NAALADL2: variants seen among roughly 807,000 people sequenced by gnomAD.
The protein encoded by NAALADL2 is N-acetylated alpha-linked acidic dipeptidase like 2.
Under a neutral mutation model 87.2 loss-of-function variants are expected in NAALADL2, and 76 were observed. The observed-to-expected ratio is 0.87, with a 90% CI of 0.72 to 1.05. NAALADL2 has a LOEUF of 1.05. Ranked by LOEUF, NAALADL2 falls within the 50% of genes least tolerant of loss-of-function variation. The pLI, the probability that NAALADL2 is intolerant of heterozygous loss-of-function variation, is 0.00. For synonymous variants in NAALADL2, 354 were observed against 331.0 expected (o/e 1.07, Z -0.75); for missense variants, 1,089 against 945.8 (o/e 1.15, Z -1.99).
At chr3:174,475,627 T>G (rs1254246967) in intron 1 of NAALADL2, among the ~76,000 whole-genome samples, 2 of 152,030 alleles carry the variant, frequency 1.3e-5, no homozygotes, top group Non-Finnish European at 2.9e-5. Context: ...TATTTGAAGA[T>G]TTAATATATA....
In NAALADL2 at chr3:174,803,091, A is replaced by G. The variant is rs1051683452; in HGVS notation, c.-9+65345A>G. Among the ~76,000 whole-genome samples, 3 of 152,130 alleles carry G rather than the reference A, an allele frequency of 2.0e-5. No individual in the cohort carries two copies. The East Asian group carries it at 5.8e-4, about 29-fold the overall frequency. On this transcript the variant is annotated intron_variant, in intron 3 of 3. Coordinates refer to the NAALADL2 transcript ENST00000434257. Reference sequence around the variant, plus strand: ...AATGGTTGAACTACTTTACGCTCCCACCAACAGTGTAAAAGCATTCCTATT... The same window carrying G: ...AATGGTTGAACTACTTTACGCTCCCGCCAACAGTGTAAAAGCATTCCTATT...
In NAALADL2 at chr3:174,461,338, T is replaced by C. The variant is rs537004093; in HGVS notation, c.-184+20306T>C. Among the ~76,000 whole-genome samples the C allele has an allele frequency of 2.0e-5, 3 of 152,256 alleles. No homozygotes were observed. In the South Asian group the frequency reaches 6.2e-4, roughly 32 times the overall value. On this transcript the variant is annotated intron_variant, in intron 1 of 3. Coordinates refer to the NAALADL2 transcript ENST00000434257. ...ATATAACAGCAGTTTTTCATAAACA[T>C]TCTATTGGCTATGTGTGTCATATCT...
chr3:175,423,028 A>AAAAAAAAAAATATATATAT (rs1438736874), intron 5 of NAALADL2, among the ~76,000 whole-genome samples: 2 of 111,310 alleles, frequency 1.8e-5, no homozygotes, highest in South Asian at 2.7e-4. Flanking sequence ...GAAAAAAAAA[A>AAAAAAAAAAATATATATAT]ATATATATAT....
intron 1 of NAALADL2, among the ~76,000 whole-genome samples, chr3:175,043,600 A>G (rs1754340526): frequency 6.6e-6 from 1 of 151,986 alleles, no homozygotes; most frequent in African/African-American, 2.4e-5. Context: ...TTACATGTGG[A>G]TATCTGTTTT....
At chr3:174,904,870 C>G (rs1732788736) in intron 1 of NAALADL2, among the ~76,000 whole-genome samples, 1 of 127,870 alleles carries the variant, frequency 7.8e-6, no homozygotes, top group South Asian at 2.4e-4. Context: ...AATTATTAAG[C>G]ATTTTTTTTC....
At chr3:175,246,899 A>G (rs1407035685) in intron 3 of NAALADL2, among the ~76,000 whole-genome samples, 1 of 152,196 alleles carries the variant, frequency 6.6e-6, no homozygotes, top group African/African-American at 2.4e-5. Context: ...TTTTAGTTCT[A>G]TTGGAATGAA....
chr3:174,808,486 G>C (rs1225642872), intron 3 of NAALADL2, among the ~76,000 whole-genome samples: 1 of 152,050 alleles, frequency 6.6e-6, no homozygotes, highest in African/African-American at 2.4e-5. Context: ...ATGTGAACTA[G>C]ATATAGCATT....
intron 1 of NAALADL2, among the ~76,000 whole-genome samples, chr3:174,450,008 A>G (rs758176677): frequency 1.4e-5 from 2 of 144,358 alleles, no homozygotes; most frequent in African/African-American, 2.6e-5. Context: ...ATATATATAC[A>G]CAACACATAC....
Position 175,706,320 on chromosome 3 carries a change from T to A in NAALADL2, c.1897-30986T>A, listed in dbSNP as rs557988556. 1.2e-3 allele frequency among the ~76,000 whole-genome samples: 177 copies of A among 152,220 alleles called. 1 individual carries two copies. Among genetic ancestry groups the A allele is most frequent in the African/African-American group, 4.1e-3 (169 of 41,548 alleles). On this transcript the variant is annotated intron_variant, in intron 11 of 13. Transcript: ENST00000454872. ...ACCATAGATAGTACCAAACTCTAAA[T>A]ATAATGTTTTTTCTATGCATACTTA...
At chr3:175,507,248 T>G (rs150795131) in intron 9 of NAALADL2, among the ~76,000 whole-genome samples, 1 of 152,302 alleles carries the variant, frequency 6.6e-6, no homozygotes, top group African/African-American at 2.4e-5. Context: ...TTTCTAGGTC[T>G]TTGATCTACT....
chr3:175,479,793 A>C, intron 9 of NAALADL2, among the ~76,000 whole-genome samples: 1 of 151,788 alleles, frequency 6.6e-6, no homozygotes, highest in Non-Finnish European at 1.5e-5. Context: ...TTTAGTTGCA[A>C]AATTATAATT....
At chr3:175,181,285 A>G (rs928410616) in intron 2 of NAALADL2, among the ~76,000 whole-genome samples, 19 of 152,058 alleles carry the variant, frequency 1.2e-4, no homozygotes, top group Admixed American at 9.9e-4. Flanking sequence ...GTAGTTTTTT[A>G]TATTGACAAA....
At position 175,809,380 on chromosome 3, in the gene NAALADL2, C is replaced by T. The variant is rs1279001116; in HGVS notation, c.*6177C>T. The stretch of plus-strand genomic sequence containing the variant: ...TTTAATGGCAAATATTCCTTATATT[C>T]TAACTTGCTACTTGGAGAATATGGA... On this transcript the variant is annotated 3_prime_UTR_variant, in exon 14 of 14. Coordinates refer to ENST00000454872, the MANE Select transcript of NAALADL2 (RefSeq NM_207015.3). 2 of 151,426 alleles carry T rather than the reference C, an allele frequency of 1.3e-5. No homozygotes were observed. Among genetic ancestry groups the T allele is most frequent in the African/African-American group, 2.4e-5 (1 of 41,266 alleles). The allele number at this position is 151,426 out of a possible 1,614,324, so 9.4% of individuals were successfully genotyped here.
intron 5 of NAALADL2, among the ~76,000 whole-genome samples, chr3:175,333,421 A>G (rs1239057187): frequency 6.6e-6 from 1 of 152,188 alleles, no homozygotes; most frequent in Non-Finnish European, 1.5e-5. Flanking sequence ...TAAGCAAGAT[A>G]GCTTATCCTC....
chr3:174,486,465 T>C (rs1475284672), intron 1 of NAALADL2, among the ~76,000 whole-genome samples: 1 of 151,980 alleles, frequency 6.6e-6, no homozygotes, highest in Admixed American at 6.6e-5. Context: ...TTAAAATTTG[T>C]CAATTACGCT....
At chr3:175,251,838 C>T (rs1206702294) in intron 3 of NAALADL2, among the ~76,000 whole-genome samples, 1 of 152,062 alleles carries the variant, frequency 6.6e-6, no homozygotes, top group Admixed American at 6.5e-5. Context: ...TTTATTATTG[C>T]CTGCAAATCC....
intron 9 of NAALADL2, among the ~76,000 whole-genome samples, chr3:175,551,872 G>A (rs905666776): frequency 1.4e-4 from 21 of 145,166 alleles, no homozygotes; most frequent in Admixed American, 1.4e-4. Flanking sequence ...GCAGTGAGCC[G>A]AGATCACGCC....
At chr3:174,760,974 G>T (rs1159305961) in intron 3 of NAALADL2, among the ~76,000 whole-genome samples, 1 of 152,152 alleles carries the variant, frequency 6.6e-6, no homozygotes, top group Non-Finnish European at 1.5e-5. Context: ...AATTCCTAAT[G>T]ATCCCCACAC....
Position 175,690,325 on chromosome 3 carries a change from TAAGAG to T in NAALADL2, c.1897-46979_1897-46975del, listed in dbSNP as rs201598097. Reference sequence around the variant, plus strand: ...CTTTGTACTGTATTCTCACATCTGTTAAGAGAGGAGAGAAATGAAACACATCGTAA... The same window carrying T: ...CTTTGTACTGTATTCTCACATCTGTTAGGAGAGAAATGAAACACATCGTAA... On this transcript the variant is annotated intron_variant, in intron 11 of 13. Coordinates refer to ENST00000454872, the MANE Select transcript of NAALADL2 (RefSeq NM_207015.3). Among the ~76,000 whole-genome samples the T allele has an allele frequency of 8.5e-3, 1,286 of 152,098 alleles. 49 individuals are homozygous for T. Among genetic ancestry groups the T allele is most frequent in the Admixed American group, 0.068 (1,036 of 15,256 alleles).
Sources: allele counts gnomAD v4.1 joint callset (sites outside exome capture counted in the v4.1 genomes callset), GRCh38; gene constraint gnomAD v4.1.1; transcripts MANE v1.5; gene names NCBI Gene and HGNC (gene_info 2026-07-23, HGNC 2026-07-21).